Variants in ARMC6 observed in about 807,000 individuals in gnomAD.
ARMC6 encodes the protein armadillo repeat containing 6.
A neutral mutation model predicts 49.2 loss-of-function variants in ARMC6; 43 were observed. That is an observed-to-expected ratio of 0.87 (90% confidence interval 0.69 to 1.13). The LOEUF is 1.13. Among genes scored for constraint, ARMC6 ranks in the 50% most tolerant of loss-of-function variants. The pLI, the probability that ARMC6 is intolerant of heterozygous loss-of-function variation, is 0.00. For missense variants in ARMC6, 627 were observed against 682.0 expected, an observed-to-expected ratio of 0.92 and a Z score of 0.90; for synonymous variants, 262 against 289.6, an observed-to-expected ratio of 0.90 and a Z score of 0.97.
intron 2 of ARMC6, among the ~76,000 whole-genome samples, chr19:19,036,751 A>T (rs962903874): frequency 3.3e-5 from 5 of 152,224 alleles, no homozygotes; most frequent in African/African-American, 1.2e-4. Context: ...TTAAGCAACA[A>T]AGGAAAGGAA....
At chr19:19,042,534 C>T (rs1205257213) in intron 2 of ARMC6, among the ~76,000 whole-genome samples, 177 bp from the exon 3 acceptor site, 1 of 152,120 alleles carries the variant, frequency 6.6e-6, no homozygotes, top group East Asian at 1.9e-4. Flanking sequence ...TGCAGAAGTT[C>T]TAGGGAAGTA....
intron 4 of ARMC6, among the ~76,000 whole-genome samples, chr19:19,047,995 C>T (rs866168989): frequency 8.6e-5 from 13 of 151,946 alleles, no homozygotes; most frequent in East Asian, 7.7e-4. Context: ...CGGATTGCAT[C>T]GAGCTGAGGA....
intron 2 of ARMC6, among the ~76,000 whole-genome samples, chr19:19,038,533 C>T (rs1256455084): frequency 1.3e-5 from 2 of 152,172 alleles, no homozygotes; most frequent in South Asian, 4.1e-4. Flanking sequence ...TTGATACCTA[C>T]CCCTGGTTTC....
intron 2 of ARMC6, among the ~76,000 whole-genome samples, chr19:19,041,855 A>G (rs535906365): frequency 1.3e-5 from 2 of 152,290 alleles, no homozygotes; most frequent in South Asian, 2.1e-4. Flanking sequence ...TATACCATAC[A>G]ATATTGTTAA....
Position 19,051,709 on chromosome 19 carries a change from C to G in ARMC6, c.367C>G (p.Gln123Glu). The G allele has an allele frequency of 1.2e-6, 2 of 1,613,964 alleles. No homozygotes were observed. Among genetic ancestry groups the G allele is most frequent in the Non-Finnish European group, 1.7e-6 (2 of 1,180,026 alleles). ...YLTRFCDQCK[Q>E]DKACRFLAAQ... ...CACCCGCTTCTGCGACCAGTGCAAA[C>G]AGGACAAGGCCTGCCGCTTCCTCGC... The change falls in exon 5 of 9, where the codon CAG becomes GAG. Residue 123 changes from glutamine (Q) to glutamate (E), a missense_variant. Physicochemically the swap from Gln to Glu is conservative, Grantham distance 29. Coordinates refer to ENST00000535612, the MANE Select transcript of ARMC6 (RefSeq NM_001199196.2).
At chr19:19,040,472 C>T (rs898994939) in intron 2 of ARMC6, among the ~76,000 whole-genome samples, 7 of 152,010 alleles carry the variant, frequency 4.6e-5, no homozygotes, top group Admixed American at 3.9e-4. Context: ...GACAGTGTCT[C>T]GCTACGTTGG....
At chr19:19,047,771 T>C (rs1315362778) in intron 4 of ARMC6, among the ~76,000 whole-genome samples, 1 of 152,162 alleles carries the variant, frequency 6.6e-6, no homozygotes, top group Non-Finnish European at 1.5e-5. Context: ...CCTGAGAACA[T>C]GTGTCCAAGG....
In ARMC6 at chr19:19,055,922, C is replaced by A. The variant is rs1460244350; in HGVS notation, c.1287C>A (p.Gly429=). The A allele has an allele frequency of 1.9e-6, 3 of 1,609,032 alleles. No individual in the cohort carries two copies. Among genetic ancestry groups the A allele is most frequent in the Non-Finnish European group, 1.7e-6 (2 of 1,178,892 alleles). ...TGAAGGCACACCCGCAGAAGGCCGG[C>A]GTGCAGGTGGGCAGGGCAGGGGATG... The part of the protein sequence containing the change: ...QAMKAHPQKA[G]VQKQACMLIR... The change falls in exon 8 of 9, where the codon GGC becomes GGA. Residue 429 remains glycine, a synonymous_variant. Coordinates refer to ENST00000535612, the MANE Select transcript of ARMC6 (RefSeq NM_001199196.2). The surrounding 1 kb of genome is among the most constrained non-coding windows in gnomAD (Gnocchi z 5.7).
Position 19,057,500 on chromosome 19 carries a change from C to T in ARMC6, c.1378C>T (p.Leu460Phe). The T allele has an allele frequency of 6.2e-7, 1 of 1,614,096 alleles. No individual in the cohort carries two copies. ...CATCCTGGACCTGGGGGCTGAGGCA[C>T]TCATCATGCAGGCCCGATCTGCCCA... ...KPILDLGAEA[L>F]IMQARSAHRD... Residue 460 changes from leucine to phenylalanine, a missense_variant, in exon 9 of 9, where the codon CTC becomes TTC. Transcript: ENST00000535612.
chr19:19,053,039 A>AT lies in ARMC6; in HGVS notation c.853+845dup, dbSNP rs745453046. Among the ~76,000 whole-genome samples the AT allele has an allele frequency of 4.6e-5, 7 of 152,204 alleles. No homozygotes were observed. In the East Asian group the frequency reaches 1.3e-3, roughly 29 times the overall value. On this transcript the variant is annotated intron_variant, in intron 5 of 8. Coordinates refer to ENST00000535612, the MANE Select transcript of ARMC6 (RefSeq NM_001199196.2). ...ATATGAAGAGACTTTTTGGTAAGGA[A>AT]TGGGATCATGCAATTATGGCAAGTC...
Position 19,053,474 on chromosome 19 carries a change from G to A in ARMC6, c.854-678G>A, listed in dbSNP as rs145731910. Among the ~76,000 whole-genome samples the A allele has an allele frequency of 8.5e-3, 1,299 of 152,086 alleles. 10 individuals carry two copies. Among genetic ancestry groups the A allele is most frequent in the Non-Finnish European group, 0.014 (953 of 68,014 alleles). ...TGCACTCCAGCCTTGGTGACAAAGC[G>A]AGACTCTGTCTCAAAAAAATTAATA... On this transcript the variant is annotated intron_variant, in intron 5 of 8. Transcript: ENST00000535612.
chr19:19,056,059 G>A (rs1599651954), intron 8 of ARMC6, 131 bp downstream of exon 8: 2 of 1,069,260 alleles, frequency 1.9e-6, no homozygotes, highest in African/African-American at 1.6e-5. Context: ...CCCTATCCCT[G>A]TCCCTGTCCC....
At position 19,036,716 on chromosome 19, in the gene ARMC6, C is replaced by A. The variant is rs118012758; in HGVS notation, c.29+2478C>A. Among the ~76,000 whole-genome samples the A allele has an allele frequency of 3.7e-3, 556 of 152,262 alleles. 2 individuals are homozygous for A. The highest frequency in any genetic ancestry group is 6.4e-3 in the Non-Finnish European group (433 of 68,016). ...TCTGCAAAAGAGTGAGATGGGACTCCTGCATAAACTTGCTGAATTGCCTCT... is the reference window on the plus strand; with the variant it reads ...TCTGCAAAAGAGTGAGATGGGACTCATGCATAAACTTGCTGAATTGCCTCT... On this transcript the variant is annotated intron_variant, in intron 2 of 8. Coordinates refer to ENST00000535612, the MANE Select transcript of ARMC6 (RefSeq NM_001199196.2).
chr19:19,057,661 G>A lies in ARMC6; in HGVS notation c.*33G>A. On this transcript the variant is annotated 3_prime_UTR_variant, in exon 9 of 9. Coordinates refer to ENST00000535612, the MANE Select transcript of ARMC6 (RefSeq NM_001199196.2). ...CCCAGTCTGGGCCGTGACTCTGGGT[G>A]AGTCGTGTGACTCAGGAATGGGGGT... is the stretch of plus-strand genomic sequence containing the variant. 6.3e-7 allele frequency: 1 copy of A among 1,599,612 alleles called. No homozygotes were observed. Among genetic ancestry groups the A allele is most frequent in the Non-Finnish European group, 8.5e-7 (1 of 1,172,898 alleles).
At chr19:19,042,591 G>C in intron 2 of ARMC6, 120 bp from the exon 3 acceptor site, 2 of 951,798 alleles carry the variant, frequency 2.1e-6, no homozygotes, top group Admixed American at 4.1e-5. Context: ...AATTTCTCCA[G>C]GGTGGTTGTA....
At chr19:19,034,266 G>T in intron 2 of ARMC6, 28 bp downstream of exon 2, 1 of 1,590,424 alleles carries the variant, frequency 6.3e-7, no homozygotes, top group Non-Finnish European at 8.5e-7. Context: ...ATAACAGAGT[G>T]ATGGGACGGG....
intron 4 of ARMC6, among the ~76,000 whole-genome samples, chr19:19,045,905 ACT>A (rs1186728950): frequency 6.6e-6 from 1 of 151,346 alleles, no homozygotes. Context: ...TCTGCCTCGG[ACT>A]CTCAAAGTGC....
intron 4 of ARMC6, among the ~76,000 whole-genome samples, chr19:19,045,430 C>G (rs145837677): frequency 6.7e-6 from 1 of 149,476 alleles, no homozygotes; most frequent in African/African-American, 2.5e-5. Context: ...ATAACAATAT[C>G]GTCTATATTG....
intron 6 of ARMC6, among the ~76,000 whole-genome samples, chr19:19,054,889 G>C (rs1388099784): frequency 6.6e-6 from 1 of 152,200 alleles, no homozygotes; most frequent in East Asian, 1.9e-4. Flanking sequence ...CTGGGCAGTT[G>C]GGGGCAGGGT....
Sources: gnomAD v4.1 joint callset for allele counts (sites outside exome capture counted in the v4.1 genomes callset) on GRCh38, gnomAD v4.1.1 for gene constraint, Gnocchi (gnomAD v3.1) non-coding constraint, MANE v1.5 for transcripts, NCBI Gene and HGNC (gene_info 2026-07-23, HGNC 2026-07-21) for gene names.